SRBD1: variants seen among roughly 807,000 people sequenced by gnomAD.
SRBD1 encodes S1 RNA-binding domain-containing protein 1.
Under a neutral mutation model 115.3 loss-of-function variants are expected in SRBD1, and 88 were observed. The ratio of observed to expected loss-of-function variants is 0.76; its 90% CI spans 0.64 to 0.91. The LOEUF (loss-of-function observed/expected upper bound fraction) is 0.91, where lower values mean the gene tolerates loss of function less well. Among genes scored for constraint, SRBD1 ranks in the 40% least tolerant of loss-of-function variants. The pLI is 0.00. For missense variants in SRBD1, 1,385 were observed against 1,177.4 expected (o/e 1.18, Z -2.58); for synonymous variants, 509 against 407.7 (o/e 1.25, Z -2.99).
chr2:45,415,358 T>C (rs1445095654), intron 18 of SRBD1, among the ~76,000 whole-genome samples: 1 of 79,354 alleles, frequency 1.3e-5, no homozygotes, highest in East Asian at 4.5e-4. Context: ...ATAGTGTGTA[T>C]ATAGTATGTA....
At chr2:45,403,478 C>T (rs529756591) in intron 19 of SRBD1, among the ~76,000 whole-genome samples, 29 of 152,192 alleles carry the variant, frequency 1.9e-4, no homozygotes, top group Non-Finnish European at 2.9e-4. Context: ...TTTCATCAAA[C>T]ATTGCCGTAT....
intron 14 of SRBD1, among the ~76,000 whole-genome samples, chr2:45,528,468 C>T (rs1236532754): frequency 1.3e-5 from 2 of 151,686 alleles, no homozygotes; most frequent in East Asian, 3.9e-4. Context: ...GAATTAACAT[C>T]AGTAAAGGAG....
At chr2:45,589,568 G>A (rs985759619) in intron 4 of SRBD1, among the ~76,000 whole-genome samples, 38 of 152,116 alleles carry the variant, frequency 2.5e-4, no homozygotes, top group African/African-American at 8.7e-4. Context: ...AGTTATTGTT[G>A]AATAAAAGAA....
intron 11 of SRBD1, among the ~76,000 whole-genome samples, chr2:45,552,498 A>T (rs1672333779): frequency 6.6e-6 from 1 of 152,222 alleles, no homozygotes; most frequent in South Asian, 2.1e-4. Context: ...ACTCAAATCA[A>T]AAATATATGC....
chr2:45,496,792 G>A (rs1670473081), intron 14 of SRBD1, among the ~76,000 whole-genome samples: 1 of 152,062 alleles, frequency 6.6e-6, no homozygotes, highest in South Asian at 2.1e-4. Context: ...AGTCAAAGGA[G>A]ACCCTATCTA....
intron 16 of SRBD1, among the ~76,000 whole-genome samples, chr2:45,430,234 A>C (rs984231550): frequency 2.6e-5 from 4 of 152,228 alleles, no homozygotes; most frequent in African/African-American, 7.2e-5. Flanking sequence ...TTATAGATTC[A>C]ATGCTATCCC....
chr2:45,423,053 C>T (rs1175664813), intron 16 of SRBD1, among the ~76,000 whole-genome samples: 1 of 152,084 alleles, frequency 6.6e-6, no homozygotes, highest in Non-Finnish European at 1.5e-5. Flanking sequence ...AAAATAATAA[C>T]CATACGACTT....
chr2:45,419,947 T>C, intron 16 of SRBD1, 53 bp from the exon 17 acceptor site: 2 of 1,498,706 alleles, frequency 1.3e-6, no homozygotes, highest in South Asian at 2.3e-5. Context: ...GTTCTTGGAC[T>C]ATTCCATTAC....
At chr2:45,432,500 T>C (rs1433029094) in intron 16 of SRBD1, among the ~76,000 whole-genome samples, 1 of 152,212 alleles carries the variant, frequency 6.6e-6, no homozygotes, top group African/African-American at 2.4e-5. Context: ...CAAGTTGGGC[T>C]ATGTGTTGAA....
intron 12 of SRBD1, among the ~76,000 whole-genome samples, chr2:45,548,810 G>A (rs906180628): frequency 2.6e-5 from 4 of 151,062 alleles, no homozygotes; most frequent in South Asian, 2.1e-4. Flanking sequence ...AAAAAGTCAC[G>A]ACTATATCTA....
intron 15 of SRBD1, among the ~76,000 whole-genome samples, chr2:45,479,466 G>A (rs1669898014): frequency 6.6e-6 from 1 of 152,128 alleles, no homozygotes; most frequent in East Asian, 1.9e-4. Flanking sequence ...ACAGCTTTTT[G>A]CTGATATGGA....
intron 3 of SRBD1, among the ~76,000 whole-genome samples, chr2:45,600,580 T>C (rs1015976640): frequency 6.6e-6 from 1 of 152,178 alleles, no homozygotes; most frequent in African/African-American, 2.4e-5. Flanking sequence ...AGCAGGCTAA[T>C]GTCAGGCATT....
rs566399615 is a variant in SRBD1, at chr2:45,565,643, T to C, written c.1306-2887A>G. On this transcript the variant is annotated intron_variant, in intron 9 of 20. Coordinates refer to ENST00000263736, the MANE Select transcript of SRBD1 (RefSeq NM_018079.5). ...TTGAACTTCAACAAATTTTAGTTTT[T>C]GTGCCTCAAAGAATAGTATCAAGAA... 7.2e-5 allele frequency among the ~76,000 whole-genome samples: 11 copies of C among 152,346 alleles called. No homozygotes were observed. In the East Asian group the frequency reaches 1.5e-3, roughly 21 times the overall value.
intron 14 of SRBD1, among the ~76,000 whole-genome samples, chr2:45,544,093 C>T: frequency 6.6e-6 from 1 of 151,962 alleles, no homozygotes; most frequent in East Asian, 1.9e-4. Flanking sequence ...ATTAGCCAGG[C>T]ATGGTGGCGG....
intron 14 of SRBD1, among the ~76,000 whole-genome samples, chr2:45,530,485 C>T (rs986290390): frequency 6.6e-6 from 1 of 152,010 alleles, no homozygotes; most frequent in Non-Finnish European, 1.5e-5. Context: ...CAACTGTCCA[C>T]CTCAGGAAAG....
At chr2:45,595,022 C>G (rs1431100801) in intron 4 of SRBD1, among the ~76,000 whole-genome samples, 1 of 152,098 alleles carries the variant, frequency 6.6e-6, no homozygotes, top group Non-Finnish European at 1.5e-5. Context: ...TTCATTAGTC[C>G]TATCTATAAA....
At chr2:45,465,654 T>G in intron 16 of SRBD1, among the ~76,000 whole-genome samples, 1 of 152,320 alleles carries the variant, frequency 6.6e-6, no homozygotes, top group African/African-American at 2.4e-5. Flanking sequence ...TTTAAAAATA[T>G]TATTTAACAG....
chr2:45,464,998 T>G (rs1411546629), intron 16 of SRBD1, among the ~76,000 whole-genome samples: 1 of 134,266 alleles, frequency 7.4e-6, no homozygotes, highest in Non-Finnish European at 1.6e-5. Context: ...TGGTTGAGAT[T>G]GTACACACAC....
At chr2:45,438,174 A>G (rs1668558313) in intron 16 of SRBD1, among the ~76,000 whole-genome samples, 1 of 152,156 alleles carries the variant, frequency 6.6e-6, no homozygotes, top group Non-Finnish European at 1.5e-5. Context: ...AAACTGCTTT[A>G]AAAATAAGTC....
Sources: gnomAD v4.1 joint callset for allele counts (sites outside exome capture counted in the v4.1 genomes callset) on GRCh38, gnomAD v4.1.1 for gene constraint, MANE v1.5 for transcripts, NCBI Gene and HGNC (gene_info 2026-07-23, HGNC 2026-07-21) for gene names.